The following DIAPH3 variants were observed in gnomAD, a reference collection of about 807,000 sequenced individuals.
The protein encoded by DIAPH3 is diaphanous related formin 3.
A neutral mutation model predicts 144.3 loss-of-function variants in DIAPH3; 117 were observed. That is an observed-to-expected ratio of 0.81 (90% CI 0.70 to 0.95). The LOEUF is 0.95. Ranked by LOEUF, DIAPH3 falls within the 40% of genes least tolerant of loss-of-function variation. DIAPH3 has a pLI of 0.00. For missense variants in DIAPH3, 1,421 were observed against 1,412.7 expected, an observed-to-expected ratio of 1.01 and a Z score of -0.09; for synonymous variants, 519 against 488.9, an observed-to-expected ratio of 1.06 and a Z score of -0.81.
intron 20 of DIAPH3, among the ~76,000 whole-genome samples, chr13:59,905,596 C>A (rs2046693743): frequency 6.6e-6 from 1 of 151,898 alleles, no homozygotes; most frequent in Non-Finnish European, 1.5e-5. Context: ...GTCCTAATAC[C>A]CAAAACTTTT....
At chr13:59,692,629 T>G (rs1273780901) in intron 27 of DIAPH3, among the ~76,000 whole-genome samples, 1 of 152,062 alleles carries the variant, frequency 6.6e-6, no homozygotes, top group African/African-American at 2.4e-5. Context: ...AAGATATGCC[T>G]CAAATGACAC....
intron 24 of DIAPH3, among the ~76,000 whole-genome samples, chr13:59,819,090 AAT>A (rs1320370896): frequency 6.6e-6 from 1 of 151,806 alleles, no homozygotes; most frequent in Non-Finnish European, 1.5e-5. Context: ...GTTCTTACTT[AAT>A]TGAACTTAAT....
rs576153757 is a variant in DIAPH3 at position 59,803,273 on chromosome 13, G to T, written c.3163+7515C>A. 2.0e-5 allele frequency among the ~76,000 whole-genome samples: 3 copies of T among 152,200 alleles called. No individual in the cohort carries two copies. In the South Asian group the frequency reaches 6.2e-4, roughly 32 times the overall value. The stretch of plus-strand genomic sequence containing the variant: ...CAGGGTGAAATTATGAATAAGTGAT[G>T]TTAATATAAAGATTTCTTTGGTAAA... On this transcript the variant is annotated intron_variant, in intron 25 of 27. Coordinates refer to ENST00000400324, the MANE Select transcript of DIAPH3 (RefSeq NM_001042517.2).
intron 1 of DIAPH3, among the ~76,000 whole-genome samples, chr13:60,136,558 T>G (rs1377534679): frequency 1.3e-5 from 2 of 151,614 alleles, no homozygotes; most frequent in African/African-American, 4.8e-5. Context: ...GACCTTTACA[T>G]ATATTACCTA....
At chr13:59,681,499 A>AT (rs1233760031) in intron 27 of DIAPH3, among the ~76,000 whole-genome samples, 1 of 152,116 alleles carries the variant, frequency 6.6e-6, no homozygotes, top group Non-Finnish European at 1.5e-5. Context: ...ATTAAAAAAA[A>AT]TTTTCAACTA....
At chr13:59,745,701 G>C (rs2036667234) in intron 27 of DIAPH3, among the ~76,000 whole-genome samples, 1 of 152,166 alleles carries the variant, frequency 6.6e-6, no homozygotes, top group Non-Finnish European at 1.5e-5. Flanking sequence ...AGACTGGAGA[G>C]GAGCAGCCTA....
At position 60,040,226 on chromosome 13, in the gene DIAPH3, C is replaced by CAAAAA. The variant is rs5803983; in HGVS notation, c.626+2459_626+2463dup. On this transcript the variant is annotated intron_variant, in intron 5 of 27. Transcript: ENST00000400324. ...TGGGCAAAAGAGTGAGACTCCATCT[C>CAAAAA]AAAAAAAAAAAAAAAAAAAAAAAAA... Among the ~76,000 whole-genome samples, 142 of 34,812 alleles carry CAAAAA rather than the reference C, an allele frequency of 4.1e-3. 13 individuals are homozygous for CAAAAA. Among genetic ancestry groups the CAAAAA allele is most frequent in the East Asian group, 0.015 (13 of 890 alleles). 22.8% of individuals were successfully genotyped at this position (34,812 alleles called of 152,430 possible). A position where few individuals can be genotyped will look rare whatever the true frequency, so the allele number is the denominator to read the frequency against.
At chr13:60,135,657 C>T (rs2059252851) in intron 1 of DIAPH3, among the ~76,000 whole-genome samples, 1 of 152,150 alleles carries the variant, frequency 6.6e-6, no homozygotes, top group Admixed American at 6.5e-5. Flanking sequence ...GAGTAAGGAG[C>T]TGGAAAACTG....
chr13:59,842,490 G>A (rs970954701), intron 22 of DIAPH3, among the ~76,000 whole-genome samples: 1 of 152,044 alleles, frequency 6.6e-6, no homozygotes, highest in African/African-American at 2.4e-5. Flanking sequence ...TACCAACTGG[G>A]TGTCCTACAA....
chr13:60,003,078 G>A (rs369629893), intron 9 of DIAPH3, among the ~76,000 whole-genome samples: 3 of 152,144 alleles, frequency 2.0e-5, no homozygotes, highest in Non-Finnish European at 4.4e-5. Flanking sequence ...TGGACACTAC[G>A]ATGGAGGGTT....
intron 22 of DIAPH3, among the ~76,000 whole-genome samples, chr13:59,848,013 G>A (rs181145231): frequency 3.3e-5 from 5 of 152,068 alleles, no homozygotes; most frequent in Admixed American, 1.3e-4. Context: ...CTTTCATGCC[G>A]CACACATCTA....
At chr13:59,880,376 A>T (rs2044934245) in intron 20 of DIAPH3, among the ~76,000 whole-genome samples, 1 of 152,166 alleles carries the variant, frequency 6.6e-6, no homozygotes, top group Non-Finnish European at 1.5e-5. Flanking sequence ...TTGAACTTCA[A>T]CAACTATTGT....
chr13:59,801,326 T>C (rs1473782258), intron 25 of DIAPH3, among the ~76,000 whole-genome samples: 2 of 152,206 alleles, frequency 1.3e-5, no homozygotes, highest in South Asian at 2.1e-4. Context: ...TTCAAACTAA[T>C]TGCCACAGAA....
At chr13:60,055,520 G>C (rs1201838522) in intron 4 of DIAPH3, among the ~76,000 whole-genome samples, 1 of 151,764 alleles carries the variant, frequency 6.6e-6, no homozygotes, top group African/African-American at 2.4e-5. Context: ...CCTCAAAAAG[G>C]ATATACTATA....
At chr13:59,971,642 T>C (rs1335832034) in intron 15 of DIAPH3, among the ~76,000 whole-genome samples, 1 of 152,212 alleles carries the variant, frequency 6.6e-6, no homozygotes, top group African/African-American at 2.4e-5. Context: ...TATTGCCACA[T>C]CATGACTTTG....
chr13:60,060,389 T>C (rs919572166), intron 4 of DIAPH3, among the ~76,000 whole-genome samples: 4 of 152,170 alleles, frequency 2.6e-5, no homozygotes, highest in Admixed American at 6.6e-5. Context: ...AGCTGCAAAA[T>C]TGAAATATAC....
intron 1 of DIAPH3, among the ~76,000 whole-genome samples, chr13:60,145,051 C>T (rs772842740): frequency 6.6e-6 from 1 of 152,102 alleles, no homozygotes; most frequent in Middle Eastern, 3.2e-3. Flanking sequence ...GGACACTTTG[C>T]GATTACTAGT....
intron 2 of DIAPH3, among the ~76,000 whole-genome samples, chr13:60,120,355 G>C (rs2058815713): frequency 6.6e-6 from 1 of 152,118 alleles, no homozygotes; most frequent in East Asian, 1.9e-4. Flanking sequence ...AACCACCCAG[G>C]AACAATTCCT....
At chr13:59,920,257 C>A (rs2047441636) in intron 18 of DIAPH3, among the ~76,000 whole-genome samples, 1 of 151,658 alleles carries the variant, frequency 6.6e-6, no homozygotes. Flanking sequence ...GACAGAGTGG[C>A]TGAATGAAAA....
Sources: allele counts gnomAD v4.1 joint callset (sites outside exome capture counted in the v4.1 genomes callset), GRCh38; gene constraint gnomAD v4.1.1; transcripts MANE v1.5; gene names NCBI Gene and HGNC (gene_info 2026-07-23, HGNC 2026-07-21).